The following MAD1L1 variants were observed in gnomAD, a reference collection of about 807,000 sequenced individuals.
MAD1L1 encodes mitotic spindle assembly checkpoint protein MAD1.
MAD1L1 carries 95 observed loss-of-function variants against 96.9 expected under a neutral mutation model. The observed-to-expected ratio is 0.98, with a 90% CI of 0.83 to 1.16. The LOEUF is 1.16. Among genes scored for constraint, MAD1L1 ranks in the 50% most tolerant of loss-of-function variants. The pLI is 0.00. For synonymous variants in MAD1L1, 473 were observed against 396.6 expected (o/e 1.19, Z -2.29); for missense variants, 1,007 against 954.4 (o/e 1.06, Z -0.73).
chr7:2,014,679 CG>C (rs142140779), intron 12 of MAD1L1, 37 bp from the exon 13 acceptor site: 294,825 of 1,567,706 alleles, frequency 0.19, 30,149 homozygotes, highest in South Asian at 0.3. Context: ...GGACCCGGGA[CG>C]GGGGATGAGG....
At chr7:1,940,927 C>CTCCTCCCCCAGGCCTCACCCTCCTCT (rs1562545250) in intron 16 of MAD1L1, among the ~76,000 whole-genome samples, 9 of 54,106 alleles carry the variant, frequency 1.7e-4, no homozygotes, top group Non-Finnish European at 3.9e-4. Context: ...CAGTGAGACC[C>CTCCTCCCCCAGGCCTCACCCTCCTCT]TCCTCCCCCA....
chr7:2,168,377 G>A (rs1202950959), intron 10 of MAD1L1, among the ~76,000 whole-genome samples: 3 of 152,212 alleles, frequency 2.0e-5, no homozygotes, highest in South Asian at 2.1e-4. Flanking sequence ...GGACTTTAAC[G>A]AACAGAAACT....
At chr7:2,048,728 C>T (rs1425817394) in intron 12 of MAD1L1, among the ~76,000 whole-genome samples, 1 of 152,234 alleles carries the variant, frequency 6.6e-6, no homozygotes, top group African/African-American at 2.4e-5. Context: ...CTGAACGGAG[C>T]TGTGATGGGA....
chr7:1,894,777 G>C (rs977229214), intron 18 of MAD1L1, among the ~76,000 whole-genome samples: 2 of 152,054 alleles, frequency 1.3e-5, no homozygotes, highest in Non-Finnish European at 2.9e-5. Context: ...ACAGAGTCTG[G>C]AGGAGGAGTG....
chr7:1,905,129 C>T (rs535576074), intron 17 of MAD1L1, among the ~76,000 whole-genome samples: 2 of 86,646 alleles, frequency 2.3e-5, no homozygotes, highest in African/African-American at 8.9e-5. Flanking sequence ...CTACGGAAGA[C>T]GCTCTCGCGG....
intron 1 of MAD1L1, among the ~76,000 whole-genome samples, chr7:2,231,425 G>C (rs560142399): frequency 6.6e-6 from 1 of 152,048 alleles, no homozygotes; most frequent in East Asian, 1.9e-4. Flanking sequence ...TTCGAGACCA[G>C]CCTGGCCAAC....
chr7:2,022,959 G>A (rs1282758875), intron 12 of MAD1L1, among the ~76,000 whole-genome samples: 1 of 152,196 alleles, frequency 6.6e-6, no homozygotes, highest in Non-Finnish European at 1.5e-5. Context: ...ACTCCATTCC[G>A]ATAAAAAGGT....
In MAD1L1 at chr7:2,230,673, G is replaced by A. The variant is rs1045912351; in HGVS notation, c.-135C>T. 1.3e-5 allele frequency: 2 copies of A among 154,702 alleles called. No individual in the cohort carries two copies. Among genetic ancestry groups the A allele is most frequent in the African/African-American group, 4.8e-5 (2 of 41,474 alleles). 9.6% of individuals were successfully genotyped at this position (154,702 alleles called of 1,614,324 possible). A position where few individuals can be genotyped will look rare whatever the true frequency, so the allele number is the denominator to read the frequency against. On this transcript the variant is annotated 5_prime_UTR_variant, in exon 2 of 19. Coordinates refer to ENST00000265854, the MANE Select transcript of MAD1L1 (RefSeq NM_001013836.2). ...GGTCCGATGGTGTAATTCTCAGTTCGAGGGGCTGCTGGGACAAGTCCTGGA... is the reference window on the plus strand; with the variant it reads ...GGTCCGATGGTGTAATTCTCAGTTCAAGGGGCTGCTGGGACAAGTCCTGGA...
At chr7:2,033,470 AC>A (rs1441570242) in intron 12 of MAD1L1, among the ~76,000 whole-genome samples, 1 of 152,268 alleles carries the variant, frequency 6.6e-6, no homozygotes. Flanking sequence ...CCAAAACGCC[AC>A]TTAAAAACAC....
intron 4 of MAD1L1, chr7:2,223,685 C>T (rs985445855): frequency 2.1e-4 from 32 of 152,280 alleles, no homozygotes; most frequent in African/African-American, 7.2e-4. Flanking sequence ...TGCCTCACAA[C>T]AACCAAGAGA....
intron 10 of MAD1L1, among the ~76,000 whole-genome samples, chr7:2,154,830 A>C (rs1005524820): frequency 1.3e-5 from 2 of 152,176 alleles, no homozygotes; most frequent in African/African-American, 4.8e-5. Context: ...ACAAGGTGGA[A>C]TCCGATCAAA....
chr7:1,985,944 T>C (rs1358072424), intron 14 of MAD1L1, among the ~76,000 whole-genome samples: 2 of 152,234 alleles, frequency 1.3e-5, no homozygotes, highest in African/African-American at 2.4e-5. Flanking sequence ...AATGTCTGGA[T>C]AGAATTTTCA....
At chr7:1,996,979 A>G (rs1182161653) in intron 14 of MAD1L1, among the ~76,000 whole-genome samples, 2 of 152,156 alleles carry the variant, frequency 1.3e-5, no homozygotes, top group Admixed American at 1.3e-4. Flanking sequence ...AAAGACTCCC[A>G]TCTCCAGCCA....
chr7:1,892,447 C>A (rs549261371), intron 18 of MAD1L1, among the ~76,000 whole-genome samples: 2 of 152,280 alleles, frequency 1.3e-5, no homozygotes, highest in East Asian at 3.9e-4. Flanking sequence ...CTGGGATTTC[C>A]AGATTTTCAG....
chr7:2,013,054 T>C (rs1782372802), intron 13 of MAD1L1, among the ~76,000 whole-genome samples: 1 of 152,202 alleles, frequency 6.6e-6, no homozygotes, highest in Admixed American at 6.5e-5. Context: ...CCCACATGAA[T>C]TATGTTTGTT....
intron 18 of MAD1L1, among the ~76,000 whole-genome samples, chr7:1,896,006 C>T (rs1786844619): frequency 6.6e-6 from 1 of 152,220 alleles, no homozygotes; most frequent in Admixed American, 6.5e-5. Flanking sequence ...GGGGCCCAGG[C>T]CAGACCCCTG....
At chr7:1,909,572 A>T (rs1269376112) in intron 17 of MAD1L1, among the ~76,000 whole-genome samples, 1 of 152,016 alleles carries the variant, frequency 6.6e-6, no homozygotes, top group South Asian at 2.1e-4. Context: ...ACCCCCCGGG[A>T]TGTCACCCGT....
In MAD1L1 at chr7:1,976,958, G is replaced by C. The variant is rs1022711633; in HGVS notation, c.1505+3495C>G. Among the ~76,000 whole-genome samples, 3 of 152,258 alleles carry C rather than the reference G, an allele frequency of 2.0e-5. No homozygotes were observed. In the East Asian group the frequency reaches 5.8e-4, roughly 29 times the overall value. On this transcript the variant is annotated intron_variant, in intron 15 of 18. Coordinates refer to ENST00000265854, the MANE Select transcript of MAD1L1 (RefSeq NM_001013836.2). ...TGGTGCGTTTACAAACCTTTAGCTAGACACAGATTGCTGATTGGTGCATTT... is the reference window on the plus strand; with the variant it reads ...TGGTGCGTTTACAAACCTTTAGCTACACACAGATTGCTGATTGGTGCATTT...
chr7:1,817,245 T>C (rs561588662), intron 18 of MAD1L1, among the ~76,000 whole-genome samples: 12 of 152,134 alleles, frequency 7.9e-5, no homozygotes, highest in Admixed American at 7.9e-4. Context: ...GGAGCGTGTG[T>C]GGTGCGGCCA....
Sources: gnomAD v4.1 joint callset for allele counts (sites outside exome capture counted in the v4.1 genomes callset) on GRCh38, gnomAD v4.1.1 for gene constraint, MANE v1.5 for transcripts, NCBI Gene and HGNC (gene_info 2026-07-23, HGNC 2026-07-21) for gene names.